The following AGBL4 variants were observed in gnomAD, a reference collection of about 807,000 sequenced individuals.
AGBL4 encodes AGBL carboxypeptidase 4.
Under a neutral mutation model 66.4 loss-of-function variants are expected in AGBL4, and 58 were observed. The observed-to-expected ratio is 0.87, with a 90% CI of 0.71 to 1.09. AGBL4 has a LOEUF of 1.09. Ranked by LOEUF, AGBL4 falls within the 50% of genes least tolerant of loss-of-function variation. The pLI, the probability that AGBL4 is intolerant of heterozygous loss-of-function variation, is 0.00. For missense variants in AGBL4, 579 were observed against 631.0 expected (o/e 0.92, Z 0.88); for synonymous variants, 234 against 222.9 (o/e 1.05, Z -0.44).
intron 2 of AGBL4, among the ~76,000 whole-genome samples, chr1:49,807,483 T>C (rs900052563): frequency 3.3e-5 from 5 of 152,206 alleles, no homozygotes; most frequent in Non-Finnish European, 5.9e-5. Flanking sequence ...ACCACTGTAA[T>C]GTGAAAGCAC....
At chr1:49,779,413 G>A (rs937156941) in intron 2 of AGBL4, among the ~76,000 whole-genome samples, 1 of 152,164 alleles carries the variant, frequency 6.6e-6, no homozygotes, top group Non-Finnish European at 1.5e-5. Context: ...CGGTAAGGTG[G>A]TAACATGTAG....
chr1:49,656,102 G>T (rs12031430), intron 3 of AGBL4, among the ~76,000 whole-genome samples: 7 of 151,486 alleles, frequency 4.6e-5, no homozygotes, highest in African/African-American at 1.7e-4. Flanking sequence ...AGCCAAGATC[G>T]TGCCACTGCA....
chr1:48,652,950 C>T (rs1207025638), intron 8 of AGBL4, among the ~76,000 whole-genome samples: 3 of 152,162 alleles, frequency 2.0e-5, no homozygotes, highest in Admixed American at 1.3e-4. Flanking sequence ...AAACACATTC[C>T]TTCCCACCAT....
chr1:49,948,564 A>AATAT (rs71059566), intron 1 of AGBL4, among the ~76,000 whole-genome samples: 11 of 64,606 alleles, frequency 1.7e-4, no homozygotes, highest in African/African-American at 4.3e-4. Context: ...AATATATAAA[A>AATAT]ATATATATAT....
chr1:48,684,724 T>C (rs1253608676), intron 6 of AGBL4, among the ~76,000 whole-genome samples: 1 of 152,240 alleles, frequency 6.6e-6, no homozygotes, highest in East Asian at 1.9e-4. Context: ...ACTTTTTTTT[T>C]TCTTTATAGA....
chr1:49,621,252 A>C (rs1645354902), intron 3 of AGBL4, among the ~76,000 whole-genome samples: 1 of 152,196 alleles, frequency 6.6e-6, no homozygotes, highest in South Asian at 2.1e-4. Flanking sequence ...ATGAGAGTAC[A>C]CCCAACAAAG....
At chr1:49,601,896 A>C (rs898570836) in intron 3 of AGBL4, among the ~76,000 whole-genome samples, 2 of 152,214 alleles carry the variant, frequency 1.3e-5, no homozygotes, top group African/African-American at 4.8e-5. Flanking sequence ...AAAAGAAACT[A>C]TCACTGGAGT....
At chr1:49,745,182 A>G (rs1650886893) in intron 2 of AGBL4, among the ~76,000 whole-genome samples, 2 of 152,112 alleles carry the variant, frequency 1.3e-5, no homozygotes, top group Admixed American at 1.3e-4. Flanking sequence ...CTCAAGTAAA[A>G]AATGCAAAGA....
intron 3 of AGBL4, among the ~76,000 whole-genome samples, chr1:49,519,689 C>T (rs1405915): frequency 0.52 from 78,841 of 151,820 alleles, 21,914 homozygotes; most frequent in Non-Finnish European, 0.62. Context: ...GTATTAAAAA[C>T]ACAATGTGAA....
intron 3 of AGBL4, among the ~76,000 whole-genome samples, chr1:49,466,373 G>A (rs1049199494): frequency 6.6e-6 from 1 of 151,516 alleles, no homozygotes; most frequent in Non-Finnish European, 1.5e-5. Context: ...AAGAGAATAG[G>A]AATTAAAATC....
At chr1:49,161,920 C>T (rs1646549309) in intron 4 of AGBL4, among the ~76,000 whole-genome samples, 1 of 152,116 alleles carries the variant, frequency 6.6e-6, no homozygotes, top group Admixed American at 6.5e-5. Flanking sequence ...GAGAAATTTT[C>T]AGTTTTCTTG....
intron 6 of AGBL4, among the ~76,000 whole-genome samples, chr1:48,789,366 G>A (rs1230730729): frequency 6.6e-6 from 1 of 151,540 alleles, no homozygotes; most frequent in African/African-American, 2.4e-5. Context: ...TCGGCTCACT[G>A]CAAGCTCCGC....
chr1:49,110,631 G>A (rs2148019285), intron 4 of AGBL4, among the ~76,000 whole-genome samples: 1 of 152,134 alleles, frequency 6.6e-6, no homozygotes, highest in East Asian at 1.9e-4. Context: ...CTTGCTCAAG[G>A]ACTGTACTCT....
chr1:48,766,214 T>C (rs1263531023), intron 6 of AGBL4, among the ~76,000 whole-genome samples: 1 of 151,526 alleles, frequency 6.6e-6, no homozygotes, highest in East Asian at 1.9e-4. Flanking sequence ...ATAAGCCACA[T>C]TTTTTTTTCC....
At chr1:48,588,861 G>GAAGAGAAGAGAAGA (rs1557810283) in intron 10 of AGBL4, among the ~76,000 whole-genome samples, 2 of 68,044 alleles carry the variant, frequency 2.9e-5, no homozygotes, top group Non-Finnish European at 6.8e-5. Context: ...AGAAGAGAAG[G>GAAGAGAAGAGAAGA]GAAGAGAAGA....
intron 11 of AGBL4, among the ~76,000 whole-genome samples, chr1:48,564,201 T>C (rs1644439477): frequency 6.6e-6 from 1 of 152,120 alleles, no homozygotes; most frequent in South Asian, 2.1e-4. Context: ...TGGTCTCTTC[T>C]TGTTGCTATC....
chr1:49,547,270 C>T (rs1652565999), intron 3 of AGBL4, among the ~76,000 whole-genome samples: 1 of 152,188 alleles, frequency 6.6e-6, no homozygotes, highest in Non-Finnish European at 1.5e-5. Context: ...GTCCTTTCCT[C>T]ACTTTATGTT....
chr1:49,279,567 T>C (rs1297275246), intron 3 of AGBL4, among the ~76,000 whole-genome samples: 2 of 146,310 alleles, frequency 1.4e-5, no homozygotes, highest in African/African-American at 5.0e-5. Flanking sequence ...AAGACCCGTC[T>C]TTTTTTTTTT....
chr1:48,952,123 C>A (rs1235676175), intron 5 of AGBL4, among the ~76,000 whole-genome samples: 3 of 152,168 alleles, frequency 2.0e-5, no homozygotes, highest in Non-Finnish European at 4.4e-5. Flanking sequence ...GTTAATAAAG[C>A]AATAACAGTA....
Sources: allele counts gnomAD v4.1 joint callset (sites outside exome capture counted in the v4.1 genomes callset), GRCh38; gene constraint gnomAD v4.1.1; transcripts MANE v1.5; gene names NCBI Gene and HGNC (gene_info 2026-07-23, HGNC 2026-07-21).